Variants in SBNO2 observed in about 807,000 individuals in gnomAD.
The protein encoded by SBNO2 is strawberry notch homolog 2, also known as protein strawberry notch homolog 2.
SBNO2 carries 89 observed loss-of-function variants against 146.3 expected under a neutral mutation model. The observed-to-expected ratio is 0.61, with a 90% confidence interval of 0.51 to 0.73. SBNO2 has a LOEUF of 0.73. Ranked by LOEUF, SBNO2 falls within the 30% of genes least tolerant of loss-of-function variation. The pLI is 0.00. For synonymous variants in SBNO2, 1,147 were observed against 892.6 expected, an observed-to-expected ratio of 1.29 and a Z score of -5.08; for missense variants, 2,092 against 2,003.7, an observed-to-expected ratio of 1.04 and a Z score of -0.84.
Position 1,123,936 on chromosome 19 carries a change from G to A in SBNO2, c.522+6C>T. ...GGGAGGGAGCTCTCGGCTGGGCCCA[G>A]CTCACCTGGTAGCTGACGAGAAGCG... On this transcript the variant is annotated splice_donor_region_variant and intron_variant, in intron 6 of 31. Coordinates refer to ENST00000361757, the MANE Select transcript of SBNO2 (RefSeq NM_014963.3). The A allele has an allele frequency of 6.2e-7, 1 of 1,610,338 alleles. No homozygotes were observed. The highest frequency in any genetic ancestry group is 8.5e-7 in the Non-Finnish European group (1 of 1,178,742).
rs370635867 is a variant in SBNO2, at chr19:1,126,043, C to T, written c.441+1561G>A. Among the ~76,000 whole-genome samples, 1 of 152,148 alleles carries T rather than the reference C, an allele frequency of 6.6e-6. No homozygotes were observed. The highest frequency in any genetic ancestry group is 6.6e-5 in the Admixed American group (1 of 15,256). On this transcript the variant is annotated intron_variant, in intron 5 of 31. Transcript: ENST00000361757. This position sits in a 1 kb window ranked among gnomAD's most constrained non-coding sequence, Gnocchi z 4.4. ...TAAGAGCATCTCTTCTAGACCCGGTCCCCCCCTTGAACTCCAACGTCCTGA... is the reference window on the plus strand; with the variant it reads ...TAAGAGCATCTCTTCTAGACCCGGTTCCCCCCTTGAACTCCAACGTCCTGA...
intron 4 of SBNO2, among the ~76,000 whole-genome samples, chr19:1,135,508 G>A (rs1237658471): frequency 6.6e-6 from 1 of 152,222 alleles, no homozygotes; most frequent in African/African-American, 2.4e-5. Flanking sequence ...CCCTGGAGCA[G>A]GTCAGACTGA....
At chr19:1,143,626 C>T (rs1386995704) in intron 4 of SBNO2, among the ~76,000 whole-genome samples, 2 of 152,206 alleles carry the variant, frequency 1.3e-5, no homozygotes, top group Non-Finnish European at 2.9e-5. Flanking sequence ...TGTCCAGAGG[C>T]ACCCGCATCC....
At chr19:1,151,304 G>A (rs1016006411) in intron 2 of SBNO2, among the ~76,000 whole-genome samples, 8 of 152,244 alleles carry the variant, frequency 5.3e-5, no homozygotes, top group African/African-American at 9.6e-5. Context: ...GGAAGGGGGC[G>A]GGGGGCTTGG....
In SBNO2 at chr19:1,109,012, G is replaced by A. The variant is rs1182838473; in HGVS notation, c.3426-43C>T. ...CGTCTCGGCTCAGGCGGGTCCCAGG[G>A]GCCCGCAGGCTCCCCAGGTGCCCTG... On this transcript the variant is annotated intron_variant, in intron 30 of 31. Transcript: ENST00000361757. This position sits in a 1 kb window ranked among gnomAD's most constrained non-coding sequence, Gnocchi z 4.2. The A allele has an allele frequency of 2.7e-6, 4 of 1,488,814 alleles. No individual in the cohort carries two copies. The highest frequency in any genetic ancestry group is 1.3e-5 in the South Asian group (1 of 76,704). The allele number at this position is 1,488,814 out of a possible 1,614,324, so 92.2% of individuals were successfully genotyped here.
chr19:1,108,240 CG>C lies in SBNO2; in HGVS notation c.4080del (p.Gly1361AlafsTer24). The C allele has an allele frequency of 2.0e-6, 3 of 1,525,844 alleles. No homozygotes were observed. The highest frequency in any genetic ancestry group is 1.8e-6 in the Non-Finnish European group (2 of 1,134,568). 94.5% of individuals were successfully genotyped at this position (1,525,844 alleles called of 1,614,324 possible). A position where few individuals can be genotyped will look rare whatever the true frequency, so the allele number is the denominator to read the frequency against. On this transcript the variant is annotated frameshift_variant, in exon 32 of 32. Transcript: ENST00000361757. LOFTEE classifies it high-confidence loss of function. ...GCGTGTCAGAGAGGAGCCTGGGCGC[CG>C]GGGAAGGGTGGGCTGAACTGGATCA... Reference protein sequence around the residue: ...QSVIQFSPPFPGAQAPL With the variant: ...QSVIQFSPPFXGAQAPL
At position 1,158,617 on chromosome 19, in the gene SBNO2, G is replaced by T. The variant is rs1272770987; in HGVS notation, c.-126-4215C>A. ...AGCAAAGGCGGACATGGAGGTCTGA[G>T]GAGGAGGCGGCGAGGCCCGGGCGAG... On this transcript the variant is annotated intron_variant, in intron 1 of 31. Transcript: ENST00000361757. This position sits in a 1 kb window ranked among gnomAD's most constrained non-coding sequence, Gnocchi z 9.9. Among the ~76,000 whole-genome samples the T allele has an allele frequency of 6.6e-6, 1 of 152,214 alleles. No homozygotes were observed. The highest frequency in any genetic ancestry group is 1.5e-5 in the Non-Finnish European group (1 of 68,022).
At chr19:1,171,494 T>C (rs1373083473) in intron 1 of SBNO2, among the ~76,000 whole-genome samples, 2 of 152,048 alleles carry the variant, frequency 1.3e-5, no homozygotes, top group Admixed American at 1.3e-4. Flanking sequence ...TGTTTACAGC[T>C]GTGGATTACA....
intron 1 of SBNO2, among the ~76,000 whole-genome samples, chr19:1,165,087 G>A (rs2080399810): frequency 6.6e-6 from 1 of 152,056 alleles, no homozygotes; most frequent in South Asian, 2.1e-4. Context: ...CCCGAGCCAG[G>A]GTCACACGCC....
rs2080082610 is a variant in SBNO2, at chr19:1,136,101, G to T, written c.280-8336C>A. Among the ~76,000 whole-genome samples the T allele has an allele frequency of 2.0e-5, 3 of 152,152 alleles. No individual in the cohort carries two copies. The highest frequency in any genetic ancestry group is 2.1e-4 in the South Asian group (1 of 4,830). On this transcript the variant is annotated intron_variant, in intron 4 of 31. Transcript: ENST00000361757. This position sits in a 1 kb window ranked among gnomAD's most constrained non-coding sequence, Gnocchi z 4.2. The stretch of plus-strand genomic sequence containing the variant: ...AAGGAGACACAGTCCCGGGGAGGAG[G>T]CCACGGGACACAGAAGCAGAGATCC...
chr19:1,117,525 CCT>C lies in SBNO2; in HGVS notation c.1528-28_1528-27del, dbSNP rs1438513356. On this transcript the variant is annotated intron_variant, in intron 14 of 31. Transcript: ENST00000361757. ...CTGCAATGACACGTCACAAGGCGCC[CCT>C]GAGCTGTGGCTCCTGGCTCCCGACC... The C allele has an allele frequency of 3.2e-6, 5 of 1,542,300 alleles. No homozygotes were observed. In the Admixed American group the frequency reaches 6.1e-5, roughly 19 times the overall value.
chr19:1,117,398 G>A lies in SBNO2; in HGVS notation c.1629C>T (p.Phe543=). 1.3e-6 allele frequency: 2 copies of A among 1,590,364 alleles called. No homozygotes were observed. The highest frequency in any genetic ancestry group is 1.7e-6 in the Non-Finnish European group (2 of 1,169,858). The stretch of plus-strand genomic sequence containing the variant: ...TGGCTGCGATGCACAGATACTTGAA[G>A]AAGCGCTGGTGTGCCGACCAGAACT... ...WGQFWSAHQR[F]FKYLCIAAKV... The change falls in exon 15 of 32, where the codon TTC becomes TTT. Residue 543 remains phenylalanine (F), a synonymous_variant. Transcript: ENST00000361757.
At position 1,112,414 on chromosome 19, in the gene SBNO2, T is replaced by C; in HGVS notation, c.2503A>G (p.Ile835Val). The C allele has an allele frequency of 6.2e-7, 1 of 1,603,852 alleles. No homozygotes were observed. The highest frequency in any genetic ancestry group is 8.5e-7 in the Non-Finnish European group (1 of 1,177,746). The change falls in exon 21 of 32, where the codon ATC (isoleucine) becomes GTC (valine). Residue 835 changes from isoleucine (I) to valine (V), a missense_variant. By Grantham distance (29) the Ile-to-Val change is conservative. Coordinates refer to ENST00000361757, the MANE Select transcript of SBNO2 (RefSeq NM_014963.3). This position sits in a 1 kb window ranked among gnomAD's most constrained non-coding sequence, Gnocchi z 5.9. ...LELPWSADRA[I>V]QQFGRTHRSN... The stretch of plus-strand genomic sequence containing the variant: ...GGGCCGGACTCACCGAACTGCTGGA[T>C]GGCGCGGTCGGCGCTCCACGGCAGC...
chr19:1,109,592 C>T lies in SBNO2; in HGVS notation c.3130G>A (p.Val1044Met). 11 of 1,584,148 alleles carry T rather than the reference C, an allele frequency of 6.9e-6. No homozygotes were observed. The highest frequency in any genetic ancestry group is 9.4e-6 in the Non-Finnish European group (11 of 1,167,026). Residue 1044 changes from valine (V) to methionine (M), a missense_variant, in exon 28 of 32, where the codon GTG becomes ATG. By Grantham distance (21) the Val-to-Met change is conservative. Coordinates refer to ENST00000361757, the MANE Select transcript of SBNO2 (RefSeq NM_014963.3). The surrounding 1 kb of genome is among the most constrained non-coding windows in gnomAD (Gnocchi z 4.2). Reference sequence around the variant, plus strand: ...TCCTCCCACTTCAGGCCGCGGTCCACGCTGATCTGCCACGGCACGGGGTGG... The same window carrying T: ...TCCTCCCACTTCAGGCCGCGGTCCATGCTGATCTGCCACGGCACGGGGTGG... ...DGQVVFYKIS[V>M]DRGLKWEDAF...
In SBNO2 at chr19:1,108,508, G is replaced by A. The variant is rs2079703055; in HGVS notation, c.3813C>T (p.Pro1271=). 2 of 1,219,760 alleles carry A rather than the reference G, an allele frequency of 1.6e-6. No homozygotes were observed. The highest frequency in any genetic ancestry group is 4.0e-5 in the East Asian group (1 of 25,220). 75.6% of individuals were successfully genotyped at this position (1,219,760 alleles called of 1,614,324 possible). ...GCGGCGCCGGGAAAGAGAAGTGCGG[G>A]GGCGGCGGGAAGGCCTCGGCCGGGG... The part of the protein sequence containing the change: ...YSPPAEAFPP[P]PHFSFPAPLS... Residue 1271 remains proline (P), a synonymous_variant, in exon 32 of 32, where the codon CCC becomes CCT. Transcript: ENST00000361757.
In SBNO2 at chr19:1,117,311, G is replaced by A. The variant is rs755543892; in HGVS notation, c.1704+12C>T. ...CGGCCGCCCTCAGCCCTCGAAGGCCGCAGCCGCTCACCTTGTCTCGCGCCA... is the reference window on the plus strand; with the variant it reads ...CGGCCGCCCTCAGCCCTCGAAGGCCACAGCCGCTCACCTTGTCTCGCGCCA... On this transcript the variant is annotated intron_variant, in intron 15 of 31. Coordinates refer to ENST00000361757, the MANE Select transcript of SBNO2 (RefSeq NM_014963.3). 59 of 1,553,098 alleles carry A rather than the reference G, an allele frequency of 3.8e-5. No homozygotes were observed. The highest frequency in any genetic ancestry group is 4.9e-5 in the Non-Finnish European group (56 of 1,149,342).
At chr19:1,165,367 G>A (rs542764454) in intron 1 of SBNO2, among the ~76,000 whole-genome samples, 16 of 152,306 alleles carry the variant, frequency 1.1e-4, no homozygotes, top group East Asian at 5.8e-4. Context: ...CCAGGGGGAC[G>A]TCGTGGCTGA....
chr19:1,129,826 C>T (rs1028555264), intron 4 of SBNO2, among the ~76,000 whole-genome samples: 10 of 152,150 alleles, frequency 6.6e-5, no homozygotes, highest in Non-Finnish European at 1.3e-4. Context: ...AACCCAAATG[C>T]GTGGGTCACA....
chr19:1,141,118 C>A (rs1476833214), intron 4 of SBNO2, among the ~76,000 whole-genome samples: 1 of 151,790 alleles, frequency 6.6e-6, no homozygotes. Context: ...AACACGCGCC[C>A]CGGAGAAGAG....
Sources: gnomAD v4.1 joint callset for allele counts (sites outside exome capture counted in the v4.1 genomes callset) on GRCh38, gnomAD v4.1.1 for gene constraint, Gnocchi (gnomAD v3.1) non-coding constraint, MANE v1.5 for transcripts, NCBI Gene and HGNC (gene_info 2026-07-23, HGNC 2026-07-21) for gene names.